Variants in CLSTN2 observed in about 807,000 individuals in gnomAD.
The protein encoded by CLSTN2 is calsyntenin 2.
A neutral mutation model predicts 101.2 loss-of-function variants in CLSTN2; 48 were observed. The observed-to-expected ratio is 0.47, with a 90% CI of 0.38 to 0.60. CLSTN2 has a LOEUF of 0.60. Among genes scored for constraint, CLSTN2 ranks in the 20% least tolerant of loss-of-function variants. CLSTN2 has a pLI of 0.00. For missense variants in CLSTN2, 1,160 were observed against 1,238.2 expected (o/e 0.94, Z 0.95); for synonymous variants, 481 against 463.6 (o/e 1.04, Z -0.48).
intron 2 of CLSTN2, among the ~76,000 whole-genome samples, chr3:140,277,139 A>G (rs2086802761): frequency 6.6e-6 from 1 of 152,212 alleles, no homozygotes; most frequent in African/African-American, 2.4e-5. Flanking sequence ...CTGTGGCCTG[A>G]ATTTATGAGG....
rs542830124 is a variant in CLSTN2 at position 140,181,347 on chromosome 3, A to C, written c.232+5274A>C. On this transcript the variant is annotated intron_variant, in intron 2 of 16. Coordinates refer to ENST00000458420, the MANE Select transcript of CLSTN2 (RefSeq NM_022131.3). Reference sequence around the variant, plus strand: ...TGATAATAATGAGGGTAATCAGAGTAATTGAAATTTGTATTATTATCAGTA... The same window carrying C: ...TGATAATAATGAGGGTAATCAGAGTCATTGAAATTTGTATTATTATCAGTA... Among the ~76,000 whole-genome samples, 4 of 152,280 alleles carry C rather than the reference A, an allele frequency of 2.6e-5. No homozygotes were observed. The South Asian group carries it at 8.3e-4, about 32-fold the overall frequency.
At chr3:140,488,664 T>TTA (rs34457947) in intron 8 of CLSTN2, among the ~76,000 whole-genome samples, 1 of 118,300 alleles carries the variant, frequency 8.5e-6, no homozygotes, top group Non-Finnish European at 1.7e-5. Context: ...TTTTTTTTTT[T>TTA]AGCAGCAGCT....
Position 140,365,681 on chromosome 3 carries a change from G to C in CLSTN2, c.233-37948G>C, listed in dbSNP as rs562928783. 3.2e-3 allele frequency among the ~76,000 whole-genome samples: 481 copies of C among 152,104 alleles called. 3 individuals are homozygous for C. Among genetic ancestry groups the C allele is most frequent in the African/African-American group, 0.01 (430 of 41,474 alleles). On this transcript the variant is annotated intron_variant, in intron 2 of 16. Coordinates refer to ENST00000458420, the MANE Select transcript of CLSTN2 (RefSeq NM_022131.3). ...CCAGGACTTCAAAATCTGACCCCTG[G>C]GGTTAAGCTTCCTCCCACCATTTCT... is the stretch of plus-strand genomic sequence containing the variant.
At chr3:140,444,634 C>T (rs4611778) in intron 5 of CLSTN2, among the ~76,000 whole-genome samples, 25,124 of 152,108 alleles carry the variant, frequency 0.17, 2,512 homozygotes, top group South Asian at 0.31. Flanking sequence ...ATTGAATAAA[C>T]GGTAATTTAC....
chr3:140,157,973 C>G (rs759586526), intron 1 of CLSTN2, among the ~76,000 whole-genome samples: 2 of 152,142 alleles, frequency 1.3e-5, no homozygotes, highest in Non-Finnish European at 2.9e-5. Context: ...CCCTTCATAA[C>G]ACTTGATCTT....
At chr3:140,463,451 C>T (rs1338072749) in intron 7 of CLSTN2, among the ~76,000 whole-genome samples, 1 of 152,266 alleles carries the variant, frequency 6.6e-6, no homozygotes, top group East Asian at 1.9e-4. Flanking sequence ...GGTATTTTCA[C>T]ACTTACAGAG....
intron 1 of CLSTN2, among the ~76,000 whole-genome samples, chr3:140,107,240 A>G (rs1019631202): frequency 2.0e-5 from 3 of 152,134 alleles, no homozygotes; most frequent in Non-Finnish European, 2.9e-5. Flanking sequence ...ATCTTTCCCT[A>G]AAGTAGCCTG....
chr3:140,506,408 C>T (rs1175902286), intron 8 of CLSTN2, among the ~76,000 whole-genome samples: 1 of 152,094 alleles, frequency 6.6e-6, no homozygotes, highest in Non-Finnish European at 1.5e-5. Flanking sequence ...CGTCACACTC[C>T]CCTCCTTATG....
chr3:140,052,293 G>C (rs1264182066), intron 1 of CLSTN2, among the ~76,000 whole-genome samples: 3 of 152,086 alleles, frequency 2.0e-5, no homozygotes, highest in Admixed American at 6.6e-5. Flanking sequence ...CGAGTAGCTG[G>C]GACTACAGGC....
chr3:140,091,551 A>T (rs1176810776), intron 1 of CLSTN2, among the ~76,000 whole-genome samples: 2 of 152,208 alleles, frequency 1.3e-5, no homozygotes, highest in Non-Finnish European at 2.9e-5. Flanking sequence ...GAAGACATTT[A>T]AAAAATGTTT....
intron 2 of CLSTN2, among the ~76,000 whole-genome samples, chr3:140,189,059 G>A (rs917608024): frequency 6.6e-6 from 1 of 151,990 alleles, no homozygotes; most frequent in Non-Finnish European, 1.5e-5. Context: ...TTTTCTCTTA[G>A]CATCATTTTC....
At chr3:140,484,321 G>A (rs1407863059) in intron 8 of CLSTN2, among the ~76,000 whole-genome samples, 1 of 152,196 alleles carries the variant, frequency 6.6e-6, no homozygotes, top group African/African-American at 2.4e-5. Context: ...TAGAGTTTCT[G>A]CCAAGAGATC....
At chr3:139,950,715 A>G (rs941971267) in intron 1 of CLSTN2, among the ~76,000 whole-genome samples, 1 of 152,262 alleles carries the variant, frequency 6.6e-6, no homozygotes, top group Non-Finnish European at 1.5e-5. Flanking sequence ...ATAATTTAAC[A>G]AATCAATATA....
chr3:140,395,380 C>G (rs1576547037), intron 2 of CLSTN2, among the ~76,000 whole-genome samples: 1 of 152,214 alleles, frequency 6.6e-6, no homozygotes, highest in East Asian at 1.9e-4. Context: ...CTTCCCACAT[C>G]TCTTCCACGT....
intron 5 of CLSTN2, among the ~76,000 whole-genome samples, chr3:140,447,468 G>A (rs111558224): frequency 9.6e-4 from 146 of 152,316 alleles, no homozygotes; most frequent in African/African-American, 3.5e-3. Context: ...GTCAATTCCT[G>A]TGTACATTCA....
At chr3:140,334,715 G>A (rs2107931759) in intron 2 of CLSTN2, among the ~76,000 whole-genome samples, 1 of 152,366 alleles carries the variant, frequency 6.6e-6, no homozygotes, top group South Asian at 2.1e-4. Context: ...GCTTCACAGA[G>A]GAGGGGGGCA....
intron 2 of CLSTN2, among the ~76,000 whole-genome samples, chr3:140,221,216 A>T (rs533108550): frequency 1.3e-5 from 2 of 152,220 alleles, no homozygotes; most frequent in African/African-American, 4.8e-5. Flanking sequence ...TCCAAATTTC[A>T]TAAAACTCTG....
intron 1 of CLSTN2, among the ~76,000 whole-genome samples, chr3:140,094,969 C>T (rs1172025311): frequency 1.3e-5 from 2 of 152,224 alleles, no homozygotes; most frequent in Non-Finnish European, 2.9e-5. Context: ...AGTGGGACTT[C>T]AAGGTCTCAA....
Position 140,532,579 on chromosome 3 carries a change from A to C in CLSTN2, c.1507+93A>C, listed in dbSNP as rs559820790. 2.9e-4 allele frequency: 335 copies of C among 1,173,520 alleles called. No homozygotes were observed. In the African/African-American group the frequency reaches 4.8e-3, roughly 17 times the overall value. 72.7% of individuals were successfully genotyped at this position (1,173,520 alleles called of 1,614,324 possible). Reference sequence around the variant, plus strand: ...AAAAGGAAAAGCAAGTGGTGTGAGAATAGTCTAGAAAAATTACTACCCCTT... The same window carrying C: ...AAAAGGAAAAGCAAGTGGTGTGAGACTAGTCTAGAAAAATTACTACCCCTT... On this transcript the variant is annotated intron_variant, in intron 9 of 16. Coordinates refer to ENST00000458420, the MANE Select transcript of CLSTN2 (RefSeq NM_022131.3).
Sources: gnomAD v4.1 joint callset for allele counts (sites outside exome capture counted in the v4.1 genomes callset) on GRCh38, gnomAD v4.1.1 for gene constraint, MANE v1.5 for transcripts, NCBI Gene and HGNC (gene_info 2026-07-23, HGNC 2026-07-21) for gene names.